Variants in ULK4 observed in about 807,000 individuals in gnomAD.
The protein encoded by ULK4 is inactive serine/threonine-protein kinase ULK4.
In ULK4, 133 loss-of-function variants were observed where a neutral mutation model predicts 160.6. That is an observed-to-expected ratio of 0.83 (90% CI 0.72 to 0.96). The LOEUF (loss-of-function observed/expected upper bound fraction) is 0.96. Among genes scored for constraint, ULK4 ranks in the 40% least tolerant of loss-of-function variants. ULK4 has a pLI of 0.00. For synonymous variants in ULK4, 534 were observed against 539.8 expected, an observed-to-expected ratio of 0.99 and a Z score of 0.15; for missense variants, 1,580 against 1,499.5, an observed-to-expected ratio of 1.05 and a Z score of -0.89.
Position 41,750,654 on chromosome 3 carries a change from T to G in ULK4, c.2321+3707A>C, listed in dbSNP as rs550689972. ...CCTTCTCCGTAGAGTTTTCAATATTTGTTAAAATTCCTTCTTTGTCTCTTC... is the reference window on the plus strand; with the variant it reads ...CCTTCTCCGTAGAGTTTTCAATATTGGTTAAAATTCCTTCTTTGTCTCTTC... On this transcript the variant is annotated intron_variant, in intron 22 of 36. Coordinates refer to ENST00000301831, the MANE Select transcript of ULK4 (RefSeq NM_017886.4). 1.8e-3 allele frequency among the ~76,000 whole-genome samples: 268 copies of G among 152,230 alleles called. 1 individual carries two copies. The highest frequency in any genetic ancestry group is 3.1e-3 in the Non-Finnish European group (211 of 68,008).
intron 18 of ULK4, among the ~76,000 whole-genome samples, chr3:41,827,355 A>C (rs1159199969): frequency 6.6e-6 from 1 of 151,938 alleles, no homozygotes; most frequent in Non-Finnish European, 1.5e-5. Flanking sequence ...CCTTCAAAAC[A>C]ATCAGTGAAT....
intron 21 of ULK4, among the ~76,000 whole-genome samples, chr3:41,785,706 C>T (rs994463196): frequency 2.0e-5 from 3 of 152,202 alleles, no homozygotes; most frequent in African/African-American, 7.2e-5. Flanking sequence ...ATCTGCACCT[C>T]AAACACACAT....
At chr3:41,681,421 C>A in intron 29 of ULK4, 87 bp downstream of exon 29, 1 of 1,564,766 alleles carries the variant, frequency 6.4e-7, no homozygotes, top group Admixed American at 1.8e-5. Flanking sequence ...GACATCAAGA[C>A]CCCAACCCCA....
chr3:41,420,187 G>A (rs1187251806), intron 34 of ULK4, among the ~76,000 whole-genome samples: 1 of 151,806 alleles, frequency 6.6e-6, no homozygotes, highest in African/African-American at 2.4e-5. Flanking sequence ...CATTTATTTT[G>A]TAGGATCGTT....
At position 41,663,655 on chromosome 3, in the gene ULK4, G is replaced by A; in HGVS notation, c.3023C>T (p.Ala1008Val). The change falls in exon 30 of 37, where the codon GCT becomes GTT. Residue 1008 changes from alanine to valine, a missense_variant. Physicochemically the swap from Ala to Val is moderately conservative, Grantham distance 64 (BLOSUM62 0). Transcript: ENST00000301831. ...AGTCATCGCGACTAGCAGTTTCAGAGCATATGCTGGTACTGGGTCAGGTTC... is the reference window on the plus strand; with the variant it reads ...AGTCATCGCGACTAGCAGTTTCAGAACATATGCTGGTACTGGGTCAGGTTC... ...LLEPDPVPAY[A>V]LKLLVAMTEH... is the part of the protein sequence containing the mutation. The A allele has an allele frequency of 6.2e-7, 1 of 1,613,972 alleles. No individual in the cohort carries two copies. The highest frequency in any genetic ancestry group is 8.5e-7 in the Non-Finnish European group (1 of 1,179,908).
intron 35 of ULK4, among the ~76,000 whole-genome samples, chr3:41,371,997 T>C (rs1188501252): frequency 2.0e-5 from 3 of 151,714 alleles, no homozygotes; most frequent in Non-Finnish European, 4.4e-5. Context: ...TCGTGAAGCA[T>C]ACACAAGTAT....
chr3:41,362,332 T>A (rs1045543389), intron 35 of ULK4, among the ~76,000 whole-genome samples: 1 of 152,190 alleles, frequency 6.6e-6, no homozygotes, highest in African/African-American at 2.4e-5. Flanking sequence ...AAGGTAGAAT[T>A]CATATTTGTG....
intron 22 of ULK4, among the ~76,000 whole-genome samples, chr3:41,724,897 T>C (rs1434724689): frequency 6.6e-6 from 1 of 152,228 alleles, no homozygotes; most frequent in Admixed American, 6.5e-5. Flanking sequence ...TAATTGACCA[T>C]CTGGAGATAA....
intron 32 of ULK4, among the ~76,000 whole-genome samples, chr3:41,497,255 G>A (rs964203770): frequency 3.3e-5 from 5 of 152,026 alleles, no homozygotes; most frequent in Non-Finnish European, 7.4e-5. Context: ...GGGATGAAGA[G>A]CAGACTAGAA....
intron 31 of ULK4, among the ~76,000 whole-genome samples, chr3:41,576,175 A>G (rs2088183053): frequency 6.6e-6 from 1 of 152,220 alleles, no homozygotes; most frequent in South Asian, 2.1e-4. Flanking sequence ...GCCACTGTCG[A>G]AAAGTAAAAA....
intron 35 of ULK4, among the ~76,000 whole-genome samples, chr3:41,327,424 T>C (rs1275823858): frequency 6.6e-6 from 1 of 152,218 alleles, no homozygotes; most frequent in Non-Finnish European, 1.5e-5. Flanking sequence ...CTACCTCTTA[T>C]GTCCTCTTGC....
intron 30 of ULK4, among the ~76,000 whole-genome samples, chr3:41,643,270 C>A (rs893462999): frequency 3.9e-5 from 6 of 152,066 alleles, no homozygotes; most frequent in Admixed American, 6.6e-5. Flanking sequence ...CTTGCCCATG[C>A]CTATGTCCTG....
intron 32 of ULK4, among the ~76,000 whole-genome samples, chr3:41,560,546 T>C (rs1446349727): frequency 5.9e-5 from 9 of 152,216 alleles, no homozygotes; most frequent in Non-Finnish European, 1.0e-4. Flanking sequence ...CATTGAGCAG[T>C]GGTTTGTAGT....
At chr3:41,898,036 CA>C (rs1698227067) in intron 14 of ULK4, among the ~76,000 whole-genome samples, 1 of 152,188 alleles carries the variant, frequency 6.6e-6, no homozygotes, top group Non-Finnish European at 1.5e-5. Context: ...GTCCCATTCT[CA>C]AATGTCCTGG....
At chr3:41,405,226 G>C (rs2082269855) in intron 34 of ULK4, among the ~76,000 whole-genome samples, 1 of 152,112 alleles carries the variant, frequency 6.6e-6, no homozygotes, top group African/African-American at 2.4e-5. Flanking sequence ...GAGAGCCTGA[G>C]GCATTTGGTT....
intron 17 of ULK4, among the ~76,000 whole-genome samples, chr3:41,844,367 G>A (rs898316113): frequency 2.6e-5 from 4 of 152,108 alleles, no homozygotes; most frequent in African/African-American, 9.7e-5. Flanking sequence ...CGGTGGGCCG[G>A]CACTGCTGAG....
intron 21 of ULK4, among the ~76,000 whole-genome samples, chr3:41,763,436 G>A (rs551987739): frequency 6.6e-6 from 1 of 152,202 alleles, no homozygotes; most frequent in African/African-American, 2.4e-5. Context: ...GAAAAAAGGG[G>A]AGATAGCAAA....
intron 35 of ULK4, among the ~76,000 whole-genome samples, chr3:41,284,502 C>A (rs1037460976): frequency 1.3e-5 from 2 of 152,090 alleles, no homozygotes; most frequent in African/African-American, 4.8e-5. Context: ...GGAAAGGACA[C>A]CCCTTTCAAC....
At chr3:41,748,159 T>TACAC (rs35503989) in intron 22 of ULK4, among the ~76,000 whole-genome samples, 6 of 140,830 alleles carry the variant, frequency 4.3e-5, no homozygotes, top group African/African-American at 1.0e-4. Context: ...TATATATATA[T>TACAC]ACACACACAC....
Sources: gnomAD v4.1 joint callset for allele counts (sites outside exome capture counted in the v4.1 genomes callset) on GRCh38, gnomAD v4.1.1 for gene constraint, MANE v1.5 for transcripts, NCBI Gene and HGNC (gene_info 2026-07-23, HGNC 2026-07-21) for gene names.